HOOK3: variants seen among roughly 807,000 people sequenced by gnomAD.
HOOK3 encodes the protein protein Hook homolog 3.
In HOOK3, 24 loss-of-function variants were observed where a neutral mutation model predicts 116.3. The observed-to-expected ratio is 0.21, with a 90% CI of 0.15 to 0.29. The LOEUF (loss-of-function observed/expected upper bound fraction) is 0.29. HOOK3 is among the 10% of genes least tolerant of loss of function. HOOK3 has a pLI of 1.00. For synonymous variants in HOOK3, 275 were observed against 283.0 expected (o/e 0.97, Z 0.28); for missense variants, 632 against 830.2 (o/e 0.76, Z 2.93).
chr8:42,955,080 T>A (rs73627236), intron 6 of HOOK3, among the ~76,000 whole-genome samples: 2,182 of 152,286 alleles, frequency 0.014, 52 homozygotes, highest in African/African-American at 0.051. Context: ...TTATTAATAG[T>A]GACACCAGTT....
At chr8:42,940,935 T>C (rs1000747141) in intron 4 of HOOK3, among the ~76,000 whole-genome samples, 2 of 151,986 alleles carry the variant, frequency 1.3e-5, no homozygotes, top group African/African-American at 4.8e-5. Context: ...TATTTATTTA[T>C]TTATTTATTT....
chr8:42,926,429 G>A (rs973000705), intron 3 of HOOK3, among the ~76,000 whole-genome samples: 2 of 152,160 alleles, frequency 1.3e-5, no homozygotes, highest in African/African-American at 4.8e-5. Flanking sequence ...TAGGATTACA[G>A]GCATCCGCCA....
intron 11 of HOOK3, among the ~76,000 whole-genome samples, chr8:42,971,450 G>A (rs866889411): frequency 5.3e-5 from 8 of 151,716 alleles, no homozygotes; most frequent in Admixed American, 2.0e-4. Flanking sequence ...TGTATTTTTA[G>A]TAGAGACAGG....
At chr8:42,972,393 C>T (rs1808741942) in intron 11 of HOOK3, among the ~76,000 whole-genome samples, 1 of 152,110 alleles carries the variant, frequency 6.6e-6, no homozygotes, top group African/African-American at 2.4e-5. Flanking sequence ...TTACAAACTT[C>T]CAAGTTACCC....
Position 42,897,173 on chromosome 8 carries a change from G to C in HOOK3, c.42G>C (p.Glu14Asp), listed in dbSNP as rs1563284120. The C allele has an allele frequency of 1.6e-6, 2 of 1,249,122 alleles. No homozygotes were observed. Among genetic ancestry groups the C allele is most frequent in the Non-Finnish European group, 2.0e-6 (2 of 991,746 alleles). 77.4% of individuals were successfully genotyped at this position (1,249,122 alleles called of 1,614,324 possible). The stretch of plus-strand genomic sequence containing the variant: ...CGCTGGAGCGGGCGGAGCTGTGCGA[G>C]AGCCTCCTCACTTGGGTACGTGGGG... ...VESLERAELC[E>D]SLLTWIQTFN... The change falls in exon 1 of 22, where the codon GAG becomes GAC. Residue 14 changes from glutamate (E) to aspartate (D), a missense_variant. By Grantham distance (45) the Glu-to-Asp change is conservative. This residue lies in a region of HOOK3 where 141 missense variants were observed against 150.8 expected (regional missense o/e 0.93). Transcript: ENST00000307602.
intron 2 of HOOK3, among the ~76,000 whole-genome samples, chr8:42,922,462 G>C (rs1807675498): frequency 6.6e-6 from 1 of 152,152 alleles, no homozygotes; most frequent in East Asian, 1.9e-4. Flanking sequence ...GAGGTGGGAA[G>C]ATGGCTTGAG....
chr8:42,994,091 A>G (rs1047917856), intron 15 of HOOK3, among the ~76,000 whole-genome samples: 3 of 151,972 alleles, frequency 2.0e-5, no homozygotes, highest in Admixed American at 2.0e-4. Context: ...ATCTCGGCTC[A>G]TGCAACCTCC....
intron 5 of HOOK3, among the ~76,000 whole-genome samples, chr8:42,945,759 C>T (rs893986482): frequency 1.3e-5 from 2 of 151,948 alleles, no homozygotes; most frequent in Admixed American, 6.6e-5. Flanking sequence ...TTAGTAAAAC[C>T]ACTAACATAG....
chr8:42,946,810 C>T (rs1808238726), intron 5 of HOOK3, among the ~76,000 whole-genome samples: 1 of 148,056 alleles, frequency 6.8e-6, no homozygotes, highest in Non-Finnish European at 1.5e-5. Context: ...ACTCTGTCAC[C>T]CAGGCTGGAG....
At chr8:42,919,478 G>A (rs925543553) in intron 2 of HOOK3, among the ~76,000 whole-genome samples, 2 of 149,956 alleles carry the variant, frequency 1.3e-5, no homozygotes, top group Non-Finnish European at 3.0e-5. Context: ...CGGGCAGAGG[G>A]GCTCCTCACA....
chr8:42,941,554 C>T (rs1020473166), intron 4 of HOOK3, among the ~76,000 whole-genome samples: 5 of 150,396 alleles, frequency 3.3e-5, no homozygotes, highest in African/African-American at 1.2e-4. Flanking sequence ...GCATGAGCCA[C>T]TGTGTCTGGC....
chr8:42,917,491 C>G (rs535754503), intron 2 of HOOK3, among the ~76,000 whole-genome samples: 2 of 152,060 alleles, frequency 1.3e-5, no homozygotes, highest in African/African-American at 4.8e-5. Context: ...TGAATCCCCT[C>G]GTTAGTATAA....
At chr8:42,901,750 T>C (rs1563286638) in intron 1 of HOOK3, among the ~76,000 whole-genome samples, 1 of 152,238 alleles carries the variant, frequency 6.6e-6, no homozygotes, top group African/African-American at 2.4e-5. Flanking sequence ...CTTGCTCTGT[T>C]GCCCAGGCTG....
chr8:42,906,248 C>G lies in HOOK3; in HGVS notation c.133C>G (p.Leu45Val), dbSNP rs751558260. Residue 45 changes from leucine (L) to valine (V), a missense_variant, in exon 2 of 22, where the codon CTT becomes GTT. By Grantham distance (32) the Leu-to-Val change is conservative (BLOSUM62 1). Around this residue, in one of 3 missense-constraint regions of HOOK3, gnomAD observed 141 missense variants for 150.8 expected, o/e 0.93. Coordinates refer to ENST00000307602, the MANE Select transcript of HOOK3 (RefSeq NM_032410.4). The part of the protein sequence containing the change: ...LTNGVVMAQV[L>V]QKIDPAYFDE... ...GAATGGGGTTGTGATGGCCCAGGTT[C>G]TTCAAAAGATGTAAGAATAAATTGC... 2.0e-6 allele frequency: 3 copies of G among 1,487,482 alleles called. No individual in the cohort carries two copies. Among genetic ancestry groups the G allele is most frequent in the Non-Finnish European group, 1.8e-6 (2 of 1,098,552 alleles). 92.1% of individuals were successfully genotyped at this position (1,487,482 alleles called of 1,614,324 possible).
At chr8:42,989,768 C>T (rs1310325126) in intron 15 of HOOK3, among the ~76,000 whole-genome samples, 1 of 152,056 alleles carries the variant, frequency 6.6e-6, no homozygotes, top group Non-Finnish European at 1.5e-5. Context: ...GTAACCATCC[C>T]ATCTACTCTC....
rs189541617 is a variant in HOOK3, at chr8:42,946,945, A to G, written c.401-3443A>G. 9.0e-3 allele frequency among the ~76,000 whole-genome samples: 1,357 copies of G among 151,410 alleles called. 8 individuals are homozygous for G. Among genetic ancestry groups the G allele is most frequent in the Non-Finnish European group, 0.013 (886 of 67,810 alleles). On this transcript the variant is annotated intron_variant, in intron 5 of 21. Transcript: ENST00000307602. ...GCCACCACGCCCGGCTAATTTTTGT[A>G]TTTTTAGTAGAGACGGGTTTTTACC...
chr8:43,012,921 C>T (rs958895788), intron 19 of HOOK3, 130 bp from the exon 20 acceptor site: 4 of 625,732 alleles, frequency 6.4e-6, no homozygotes, highest in East Asian at 3.1e-5. Flanking sequence ...TTTTAAAATA[C>T]CCTTGTAAGA....
chr8:42,984,605 C>T (rs950995003), intron 14 of HOOK3, among the ~76,000 whole-genome samples: 1 of 152,032 alleles, frequency 6.6e-6, no homozygotes, highest in African/African-American at 2.4e-5. Context: ...GTTTTTTAAA[C>T]TAAGAACAAT....
At chr8:42,979,226 T>C (rs1362016270) in intron 13 of HOOK3, among the ~76,000 whole-genome samples, 1 of 152,138 alleles carries the variant, frequency 6.6e-6, no homozygotes, top group Non-Finnish European at 1.5e-5. Flanking sequence ...GAGCCAAAAT[T>C]GTGCCGGTTC....
Sources: gnomAD v4.1 joint callset for allele counts (sites outside exome capture counted in the v4.1 genomes callset) on GRCh38, gnomAD v4.1.1 for gene constraint, gnomAD v4.1.1 regional missense constraint, MANE v1.5 for transcripts, NCBI Gene and HGNC (gene_info 2026-07-23, HGNC 2026-07-21) for gene names.